The following SEMA3E variants were observed in gnomAD, a reference collection of about 807,000 sequenced individuals.
The protein encoded by SEMA3E is semaphorin 3E.
In SEMA3E, 49 loss-of-function variants were observed where a neutral mutation model predicts 93.6. The observed-to-expected ratio is 0.52, with a 90% CI of 0.42 to 0.66. SEMA3E has a LOEUF of 0.66. Among genes scored for constraint, SEMA3E ranks in the 30% least tolerant of loss-of-function variants. The pLI, the probability that SEMA3E is intolerant of heterozygous loss-of-function variation, is 0.00. For missense variants in SEMA3E, 906 were observed against 964.8 expected (o/e 0.94, Z 0.81); for synonymous variants, 363 against 330.7 (o/e 1.10, Z -1.06).
Position 83,469,682 on chromosome 7 carries a change from C to T in SEMA3E, c.277-380G>A, listed in dbSNP as rs541060882. 5.9e-5 allele frequency among the ~76,000 whole-genome samples: 9 copies of T among 152,162 alleles called. No individual in the cohort carries two copies. The East Asian group carries it at 1.7e-3, about 29-fold the overall frequency. The stretch of plus-strand genomic sequence containing the variant: ...AACACAGAACCTGCTGTGTGGTGGG[C>T]TCTCCTAATGTTTGCTGCATACAAT... On this transcript the variant is annotated intron_variant, in intron 2 of 16. Transcript: ENST00000643230.
At position 83,367,844 on chromosome 7, in the gene SEMA3E, C is replaced by G. The variant is rs757700378; in HGVS notation, c.2070G>C (p.Arg690Ser). 19 of 1,613,576 alleles carry G rather than the reference C, an allele frequency of 1.2e-5. No individual in the cohort carries two copies. The highest frequency in any genetic ancestry group is 1.3e-5 in the Non-Finnish European group (15 of 1,179,628). ...DMFNKDDEED[R>S]HHRMPCPAQS... ...GAGCAGGACAAGGCATCCTGTGATG[C>G]CTGTCCTCCTCATCGTCCTTGTTAA... Residue 690 changes from arginine to serine, a missense_variant, in exon 17 of 17, where the codon AGG (arginine) becomes AGC (serine). Transcript: ENST00000643230.
In SEMA3E at chr7:83,648,795, C is replaced by A. The variant is rs959944910; in HGVS notation, c.-253G>T. On this transcript the variant is annotated 5_prime_UTR_variant, in exon 1 of 17. Transcript: ENST00000643230. Reference sequence around the variant, plus strand: ...AAAGAGTGAGTCTTCAGAGCCATGTCCTGTCTAGAGCGCTCTTCAGCAACT... The same window carrying A: ...AAAGAGTGAGTCTTCAGAGCCATGTACTGTCTAGAGCGCTCTTCAGCAACT... The A allele has an allele frequency of 1.3e-5, 7 of 550,112 alleles. No individual in the cohort carries two copies. The highest frequency in any genetic ancestry group is 1.1e-4 in the African/African-American group (6 of 52,360). The allele number at this position is 550,112 out of a possible 1,614,324, so 34.1% of individuals were successfully genotyped here.
chr7:83,454,272 A>AAAAAAAATATATATAT (rs1257792756), intron 4 of SEMA3E, among the ~76,000 whole-genome samples: 27 of 110,094 alleles, frequency 2.5e-4, no homozygotes, highest in African/African-American at 1.1e-3. Flanking sequence ...AAAAAAAAAA[A>AAAAAAAATATATATAT]ATATATATAT....
At chr7:83,537,335 A>T (rs1038554901) in intron 1 of SEMA3E, among the ~76,000 whole-genome samples, 1 of 152,202 alleles carries the variant, frequency 6.6e-6, no homozygotes, top group Admixed American at 6.5e-5. Flanking sequence ...CCATACCTAC[A>T]TATTGCAGCT....
intron 1 of SEMA3E, among the ~76,000 whole-genome samples, chr7:83,514,728 A>T (rs1417742702): frequency 1.3e-5 from 2 of 152,166 alleles, no homozygotes; most frequent in Non-Finnish European, 2.9e-5. Flanking sequence ...TAAAGGGGAA[A>T]AAAAGCAAAT....
At chr7:83,572,602 G>C (rs562222924) in intron 1 of SEMA3E, among the ~76,000 whole-genome samples, 2 of 151,948 alleles carry the variant, frequency 1.3e-5, no homozygotes, top group Non-Finnish European at 2.9e-5. Flanking sequence ...TCACGCCACT[G>C]CACTCCAGCC....
chr7:83,490,085 T>C (rs1790347913), intron 2 of SEMA3E, 29 bp downstream of exon 2: 1 of 1,606,662 alleles, frequency 6.2e-7, no homozygotes, highest in South Asian at 1.1e-5. Flanking sequence ...TTTCTATCTC[T>C]ACTGAAATGC....
At chr7:83,418,945 T>C in intron 4 of SEMA3E, among the ~76,000 whole-genome samples, 1 of 152,120 alleles carries the variant, frequency 6.6e-6, no homozygotes, top group Non-Finnish European at 1.5e-5. Flanking sequence ...GTTTGTTATA[T>C]GGCCTTATTG....
At chr7:83,563,657 T>G (rs1419786179) in intron 1 of SEMA3E, among the ~76,000 whole-genome samples, 1 of 152,218 alleles carries the variant, frequency 6.6e-6, no homozygotes, top group African/African-American at 2.4e-5. Flanking sequence ...TCAATCCAAA[T>G]ATGTTAGTCT....
At chr7:83,494,602 G>T (rs776553237) in intron 1 of SEMA3E, among the ~76,000 whole-genome samples, 2 of 151,806 alleles carry the variant, frequency 1.3e-5, no homozygotes, top group Non-Finnish European at 2.9e-5. Flanking sequence ...AGAAATCCTG[G>T]CTTCATGGTA....
rs1369911267 is a variant in SEMA3E, at chr7:83,365,933, T to C, written c.*1653A>G. ...CATAGTCTTTTCAGTTATTATTTAA[T>C]GGCAGTAATGACCTCCAGTGGATTC... On this transcript the variant is annotated 3_prime_UTR_variant, in exon 17 of 17. Coordinates refer to ENST00000643230, the MANE Select transcript of SEMA3E (RefSeq NM_012431.3). 4 of 152,154 alleles carry C rather than the reference T, an allele frequency of 2.6e-5. No individual in the cohort carries two copies. Among genetic ancestry groups the C allele is most frequent in the Non-Finnish European group, 5.9e-5 (4 of 67,984 alleles). The allele number at this position is 152,154 out of a possible 1,614,324, so 9.4% of individuals were successfully genotyped here. A position where few individuals can be genotyped will look rare whatever the true frequency, so the allele number is the denominator to read the frequency against.
Position 83,487,308 on chromosome 7 carries a change from C to T in SEMA3E, c.276+2806G>A, listed in dbSNP as rs1790279320. 3.9e-5 allele frequency among the ~76,000 whole-genome samples: 6 copies of T among 152,188 alleles called. No homozygotes were observed. The South Asian group carries it at 8.3e-4, about 21-fold the overall frequency. On this transcript the variant is annotated intron_variant, in intron 2 of 16. Transcript: ENST00000643230. ...ACATGAGTCACCTATTTGTTATAAACGTGGATTCCAGGGAACCACTCCATA... is the reference window on the plus strand; with the variant it reads ...ACATGAGTCACCTATTTGTTATAAATGTGGATTCCAGGGAACCACTCCATA...
At position 83,368,290 on chromosome 7, in the gene SEMA3E, CATTTT is replaced by C. The variant is rs71916194; in HGVS notation, c.1876-257_1876-253del. On this transcript the variant is annotated intron_variant, in intron 16 of 16. Transcript: ENST00000643230. ...CACTTCATATCAATGACCTTGAGAT[CATTTT>C]ATATCAATACTGTAAAGTAAGAGGG... Among the ~76,000 whole-genome samples the C allele has an allele frequency of 0.07, 10,609 of 151,712 alleles. 1,244 individuals are homozygous for C. The highest frequency in any genetic ancestry group is 0.24 in the African/African-American group (9,996 of 41,256).
intron 1 of SEMA3E, among the ~76,000 whole-genome samples, chr7:83,534,648 T>G (rs1791376700): frequency 6.6e-6 from 1 of 152,196 alleles, no homozygotes; most frequent in African/African-American, 2.4e-5. Context: ...AAAGCAGGTC[T>G]GTCACTTGTT....
chr7:83,565,494 A>G (rs1792127519), intron 1 of SEMA3E, among the ~76,000 whole-genome samples: 2 of 152,196 alleles, frequency 1.3e-5, no homozygotes, highest in South Asian at 4.1e-4. Context: ...CACATTCTGC[A>G]CATATATCCT....
chr7:83,616,794 C>T (rs529827562), intron 1 of SEMA3E: 1 of 427,180 alleles, frequency 2.3e-6, no homozygotes, highest in Non-Finnish European at 4.6e-6. Flanking sequence ...GCGTGATCTC[C>T]TCTCACTACA....
At chr7:83,488,625 T>C (rs1305340492) in intron 2 of SEMA3E, among the ~76,000 whole-genome samples, 2 of 152,156 alleles carry the variant, frequency 1.3e-5, no homozygotes, top group Non-Finnish European at 2.9e-5. Context: ...AACACTGGAC[T>C]CTGTATCCTT....
chr7:83,565,668 A>C (rs1792132726), intron 1 of SEMA3E, among the ~76,000 whole-genome samples: 1 of 152,180 alleles, frequency 6.6e-6, no homozygotes, highest in South Asian at 2.1e-4. Context: ...AAACTTAAAA[A>C]TTGTTTTTTA....
intron 9 of SEMA3E, among the ~76,000 whole-genome samples, chr7:83,404,830 G>A (rs1045101897): frequency 4.6e-5 from 7 of 151,898 alleles, no homozygotes; most frequent in African/African-American, 1.4e-4. Flanking sequence ...ATTTTTCTTG[G>A]ATATGGCAAT....
Sources: gnomAD v4.1 joint callset for allele counts (sites outside exome capture counted in the v4.1 genomes callset) on GRCh38, gnomAD v4.1.1 for gene constraint, MANE v1.5 for transcripts, NCBI Gene and HGNC (gene_info 2026-07-23, HGNC 2026-07-21) for gene names.